RGL1: variants seen among roughly 807,000 people sequenced by gnomAD.
The protein encoded by RGL1 is ral guanine nucleotide dissociation stimulator like 1.
Under a neutral mutation model 95.2 loss-of-function variants are expected in RGL1, and 24 were observed. That is an observed-to-expected ratio of 0.25 (90% CI 0.18 to 0.35). RGL1 has a LOEUF of 0.35. RGL1 is among the 10% of genes least tolerant of loss of function. The pLI is 1.00. For synonymous variants in RGL1, 329 were observed against 344.9 expected (o/e 0.95, Z 0.51); for missense variants, 715 against 936.3 (o/e 0.76, Z 3.08).
rs1048070670 is a variant in RGL1 at position 183,904,795 on chromosome 1, T to C, written c.1351-55T>C. 6 of 1,536,620 alleles carry C rather than the reference T, an allele frequency of 3.9e-6. No homozygotes were observed. The African/African-American group carries it at 8.4e-5, about 21-fold the overall frequency. On this transcript the variant is annotated intron_variant, in intron 12 of 17. Transcript: ENST00000360851. ...TCATGTTGAAAGATTCTATATTTGG[T>C]TGGCCTTATTATTCAGTCTTTTTTT...
At chr1:183,850,220 CTT>C (rs1377740564) in intron 3 of RGL1, among the ~76,000 whole-genome samples, 1 of 152,090 alleles carries the variant, frequency 6.6e-6, no homozygotes, top group African/African-American at 2.4e-5. Context: ...CTTTTGGACT[CTT>C]TTCATCTAAT....
At chr1:183,849,499 T>TG (rs1664685768) in intron 3 of RGL1, among the ~76,000 whole-genome samples, 1 of 139,580 alleles carries the variant, frequency 7.2e-6, no homozygotes, top group African/African-American at 2.6e-5. Context: ...TTTTTTTTTT[T>TG]TTTTTTTGTT....
intron 3 of RGL1, among the ~76,000 whole-genome samples, chr1:183,849,041 G>A (rs1287302873): frequency 6.6e-6 from 1 of 151,980 alleles, no homozygotes. Context: ...GATACAGATA[G>A]CATCACAGTA....
chr1:183,884,798 C>T lies in RGL1; in HGVS notation c.811C>T (p.His271Tyr). ...WSRRDKKENK[H>Y]LAPTIRATIS... The stretch of plus-strand genomic sequence containing the variant: ...TCGAAGGGATAAGAAGGAAAACAAA[C>T]ATTTGGCTCCTACGATCCGTGCCAC... Residue 271 changes from histidine (H) to tyrosine (Y), a missense_variant, in exon 7 of 18, where the codon CAT (histidine) becomes TAT (tyrosine). By Grantham distance (83) the His-to-Tyr change is moderately conservative. Coordinates refer to ENST00000360851, the MANE Select transcript of RGL1 (RefSeq NM_001297671.3). 1.2e-6 allele frequency: 2 copies of T among 1,614,122 alleles called. No individual in the cohort carries two copies. The highest frequency in any genetic ancestry group is 1.7e-6 in the Non-Finnish European group (2 of 1,179,978).
chr1:183,820,121 A>T (rs1662367269), intron 2 of RGL1, among the ~76,000 whole-genome samples: 1 of 152,092 alleles, frequency 6.6e-6, no homozygotes, highest in Non-Finnish European at 1.5e-5. Context: ...TTAAAGAAGA[A>T]GAAAATCATC....
rs1312867670 is a variant in RGL1, at chr1:183,884,800, T to C, written c.813T>C (p.His271=). 2 of 1,614,154 alleles carry C rather than the reference T, an allele frequency of 1.2e-6. No homozygotes were observed. The highest frequency in any genetic ancestry group is 1.7e-6 in the Non-Finnish European group (2 of 1,179,988). ...WSRRDKKENK[H]LAPTIRATIS... ...GAAGGGATAAGAAGGAAAACAAACA[T>C]TTGGCTCCTACGATCCGTGCCACCA... Residue 271 remains histidine, a synonymous_variant, in exon 7 of 18, where the codon CAT becomes CAC. Transcript: ENST00000360851.
Position 183,650,191 on chromosome 1 carries a change from T to C in RGL1, c.-33+13690T>C, listed in dbSNP as rs1650617555. On this transcript the variant is annotated intron_variant, in intron 1 of 18. Coordinates refer to the RGL1 transcript ENST00000304685. ...GTTACATATAATATAAACAAAGTCATGTTTTATACCCTGCTTTTTCACTTA... is the reference window on the plus strand; with the variant it reads ...GTTACATATAATATAAACAAAGTCACGTTTTATACCCTGCTTTTTCACTTA... 3.3e-5 allele frequency among the ~76,000 whole-genome samples: 5 copies of C among 152,220 alleles called. No homozygotes were observed. The South Asian group carries it at 1.0e-3, about 32-fold the overall frequency.
intron 2 of RGL1, among the ~76,000 whole-genome samples, chr1:183,812,957 G>T (rs1661823994): frequency 6.6e-6 from 1 of 152,220 alleles, no homozygotes; most frequent in Non-Finnish European, 1.5e-5. Flanking sequence ...TATGGAATCT[G>T]CTTCATCTTT....
At chr1:183,913,207 T>TG (rs1668755416) in intron 15 of RGL1, among the ~76,000 whole-genome samples, 1 of 134,040 alleles carries the variant, frequency 7.5e-6, no homozygotes, top group Non-Finnish European at 1.7e-5. Context: ...TTTTTTTTTT[T>TG]TTTGAGATGA....
chr1:183,696,688 A>T (rs539597830), intron 1 of RGL1, among the ~76,000 whole-genome samples: 1 of 152,216 alleles, frequency 6.6e-6, no homozygotes, highest in Non-Finnish European at 1.5e-5. Context: ...CAAACTTCTC[A>T]TGTTCAAAAA....
At chr1:183,683,886 T>A (rs928498697) in intron 1 of RGL1, among the ~76,000 whole-genome samples, 2 of 152,132 alleles carry the variant, frequency 1.3e-5, no homozygotes, top group African/African-American at 4.8e-5. Context: ...TTTTCTCTAA[T>A]CTTGTCTTCA....
chr1:183,671,295 C>T (rs1180109364), intron 1 of RGL1, among the ~76,000 whole-genome samples: 2 of 152,214 alleles, frequency 1.3e-5, no homozygotes, highest in African/African-American at 2.4e-5. Flanking sequence ...CCACTCTGAA[C>T]ATTCATGTTT....
At chr1:183,825,250 T>C (rs1204150821) in intron 2 of RGL1, among the ~76,000 whole-genome samples, 1 of 152,180 alleles carries the variant, frequency 6.6e-6, no homozygotes, top group Admixed American at 6.6e-5. Flanking sequence ...GATTTGGGAT[T>C]AGAGGAGTAC....
intron 1 of RGL1, among the ~76,000 whole-genome samples, chr1:183,740,816 A>G (rs1336348343): frequency 6.6e-6 from 1 of 152,216 alleles, no homozygotes; most frequent in Non-Finnish European, 1.5e-5. Flanking sequence ...GTCATGATTT[A>G]CTAAATGATT....
intron 3 of RGL1, among the ~76,000 whole-genome samples, chr1:183,864,522 C>T (rs978186363): frequency 6.6e-6 from 1 of 152,142 alleles, no homozygotes; most frequent in Non-Finnish European, 1.5e-5. Context: ...CGATGTTGGC[C>T]AAGTATAGAG....
chr1:183,891,733 GTTTTTTT>G (rs57974956), intron 8 of RGL1, among the ~76,000 whole-genome samples: 14 of 123,946 alleles, frequency 1.1e-4, no homozygotes, highest in South Asian at 5.4e-4. Context: ...GTGTGTAACA[GTTTTTTT>G]TTTTTTTTTT....
chr1:183,781,074 G>A (rs571680518), intron 2 of RGL1, among the ~76,000 whole-genome samples: 1 of 152,230 alleles, frequency 6.6e-6, no homozygotes, highest in South Asian at 2.1e-4. Flanking sequence ...TGATCCTTCC[G>A]ACTTTATGGA....
chr1:183,653,617 A>T (rs893804811), intron 1 of RGL1, among the ~76,000 whole-genome samples: 4 of 152,076 alleles, frequency 2.6e-5, no homozygotes, highest in Non-Finnish European at 5.9e-5. Flanking sequence ...TCTCCTTGGG[A>T]GGCTTGCCCT....
Position 183,850,355 on chromosome 1 carries a change from C to T in RGL1, c.347+2581C>T, listed in dbSNP as rs187843061. Among the ~76,000 whole-genome samples, 155 of 150,680 alleles carry T rather than the reference C, an allele frequency of 1.0e-3. No individual in the cohort carries two copies. In the Middle Eastern group the frequency reaches 0.017, roughly 17 times the overall value. ...AGTTATTTATTAAAATTTTTTATAA[C>T]GACATTAACATTTTTTGTGTAGTCA... On this transcript the variant is annotated intron_variant, in intron 3 of 17. Coordinates refer to ENST00000360851, the MANE Select transcript of RGL1 (RefSeq NM_001297671.3).
Sources: allele counts gnomAD v4.1 joint callset (sites outside exome capture counted in the v4.1 genomes callset), GRCh38; gene constraint gnomAD v4.1.1; transcripts MANE v1.5; gene names NCBI Gene and HGNC (gene_info 2026-07-23, HGNC 2026-07-21).